KIF26B: variants seen among roughly 807,000 people sequenced by gnomAD.
The protein encoded by KIF26B is kinesin family member 26B, also known as kinesin-like protein KIF26B.
In KIF26B, 63 loss-of-function variants were observed where a neutral mutation model predicts 151.2. The observed-to-expected ratio is 0.42, with a 90% CI of 0.34 to 0.51. The LOEUF is 0.51. KIF26B is among the 20% of genes least tolerant of loss of function. KIF26B has a pLI of 0.07. For missense variants in KIF26B, 2,813 were observed against 2,913.6 expected (o/e 0.97, Z 0.79); for synonymous variants, 1,357 against 1,262.1 (o/e 1.08, Z -1.59).
intron 2 of KIF26B, among the ~76,000 whole-genome samples, chr1:245,291,526 G>A (rs1340462405): frequency 1.3e-5 from 2 of 152,106 alleles, no homozygotes; most frequent in East Asian, 3.9e-4. Context: ...CAGCGCCCAG[G>A]TCCTCCTATT....
At chr1:245,581,196 T>G (rs925099759) in intron 5 of KIF26B, among the ~76,000 whole-genome samples, 1 of 152,178 alleles carries the variant, frequency 6.6e-6, no homozygotes, top group Non-Finnish European at 1.5e-5. Context: ...TGAGTAACAT[T>G]TAAACAATTG....
chr1:245,487,036 A>G lies in KIF26B; in HGVS notation c.1167-53731A>G, dbSNP rs567811386. Among the ~76,000 whole-genome samples, 9 of 152,256 alleles carry G rather than the reference A, an allele frequency of 5.9e-5. No homozygotes were observed. In the South Asian group the frequency reaches 1.5e-3, roughly 25 times the overall value. ...GGTTTGTCACAAGGGGTGGCTCCCA[A>G]TAGTAAACCTTCATGGCTCCCTGTA... On this transcript the variant is annotated intron_variant, in intron 4 of 14. Transcript: ENST00000407071.
intron 10 of KIF26B, among the ~76,000 whole-genome samples, chr1:245,661,667 C>A (rs1404001543): frequency 6.7e-6 from 1 of 148,660 alleles, no homozygotes; most frequent in African/African-American, 2.5e-5. Flanking sequence ...TAGACACACA[C>A]ACTCAATATA....
chr1:245,513,803 G>T (rs1660888516), intron 4 of KIF26B, among the ~76,000 whole-genome samples: 1 of 152,188 alleles, frequency 6.6e-6, no homozygotes, highest in African/African-American at 2.4e-5. Context: ...TAGACAGGTT[G>T]CCAGCTCTCA....
chr1:245,386,370 A>G (rs1000652169), intron 3 of KIF26B, among the ~76,000 whole-genome samples: 4 of 149,916 alleles, frequency 2.7e-5, no homozygotes, highest in Non-Finnish European at 5.9e-5. Context: ...CTTCCTATCT[A>G]ACTGAGGCTT....
intron 4 of KIF26B, among the ~76,000 whole-genome samples, chr1:245,465,738 G>T (rs1450975072): frequency 3.3e-5 from 5 of 152,190 alleles, no homozygotes; most frequent in African/African-American, 1.2e-4. Flanking sequence ...GCCGTGGTGC[G>T]CAGTGCTCCT....
chr1:245,442,066 G>A (rs1466167824), intron 4 of KIF26B, among the ~76,000 whole-genome samples: 2 of 152,190 alleles, frequency 1.3e-5, no homozygotes, highest in Non-Finnish European at 2.9e-5. Flanking sequence ...TAGGTGCCAG[G>A]CACTGGCTTA....
Position 245,685,969 on chromosome 1 carries a change from C to T in KIF26B, c.2986C>T (p.Leu996Phe), listed in dbSNP as rs371480595. 3 of 1,601,496 alleles carry T rather than the reference C, an allele frequency of 1.9e-6. No individual in the cohort carries two copies. Among genetic ancestry groups the T allele is most frequent in the Admixed American group, 3.5e-5 (2 of 57,964 alleles). Reference sequence around the variant, plus strand: ...GCTGACCAACAGAGAAGGCCCTGAACTCCCAGCCTCCAAGATGCAGAGGAG... The same window carrying T: ...GCTGACCAACAGAGAAGGCCCTGAATTCCCAGCCTCCAAGATGCAGAGGAG... ...GQLTNREGPE[L>F]PASKMQRSHS... Residue 996 changes from leucine (L) to phenylalanine (F), a missense_variant, in exon 12 of 15, where the codon CTC (leucine) becomes TTC (phenylalanine). This residue lies in a region of KIF26B where 2,060 missense variants were observed against 2,088.6 expected (regional missense o/e 0.99). Coordinates refer to ENST00000407071, the MANE Select transcript of KIF26B (RefSeq NM_018012.4).
At chr1:245,412,910 C>T (rs890719338) in intron 3 of KIF26B, among the ~76,000 whole-genome samples, 22 of 152,180 alleles carry the variant, frequency 1.4e-4, no homozygotes, top group African/African-American at 4.3e-4. Context: ...TCGACACCTG[C>T]GCAGACACAC....
chr1:245,647,561 C>T (rs187367961), intron 10 of KIF26B, among the ~76,000 whole-genome samples: 127 of 152,108 alleles, frequency 8.3e-4, no homozygotes, highest in African/African-American at 3.0e-3. Flanking sequence ...GAAAAAACAC[C>T]GACCTTACAG....
intron 5 of KIF26B, among the ~76,000 whole-genome samples, chr1:245,568,225 A>G (rs1022782121): frequency 4.7e-5 from 7 of 147,834 alleles, no homozygotes; most frequent in Middle Eastern, 3.5e-3. Flanking sequence ...GAAGCTCTCA[A>G]AGGGCCTGAG....
chr1:245,528,412 C>G (rs1661288854), intron 4 of KIF26B, among the ~76,000 whole-genome samples: 1 of 152,188 alleles, frequency 6.6e-6, no homozygotes, highest in South Asian at 2.1e-4. Context: ...TGTGCTTTCT[C>G]AAGTAGGGAC....
intron 2 of KIF26B, among the ~76,000 whole-genome samples, chr1:245,231,929 G>A (rs960208635): frequency 3.3e-5 from 5 of 152,192 alleles, no homozygotes; most frequent in East Asian, 1.9e-4. Context: ...TTAATCCTAC[G>A]AGAACTCAGG....
intron 2 of KIF26B, among the ~76,000 whole-genome samples, chr1:245,256,624 G>A (rs946434113): frequency 5.9e-4 from 90 of 152,234 alleles, no homozygotes; most frequent in African/African-American, 1.9e-3. Flanking sequence ...TCTCCTCTCC[G>A]CGAAGGGCAT....
intron 2 of KIF26B, among the ~76,000 whole-genome samples, chr1:245,229,231 CAAAGTGCTGGGATTACAAGCGTG>C (rs779366029): frequency 3.5e-4 from 54 of 152,228 alleles, no homozygotes; most frequent in Non-Finnish European, 6.6e-4. Context: ...TTCGGTCTCC[CAAAGTGCTGGGATTACAAGCGTG>C]AGCCACCGCC....
intron 4 of KIF26B, among the ~76,000 whole-genome samples, chr1:245,533,586 C>A (rs1317299483): frequency 6.6e-6 from 1 of 152,010 alleles, no homozygotes; most frequent in Non-Finnish European, 1.5e-5. Context: ...CCTGTCTGTG[C>A]CCCAAGGAAA....
intron 2 of KIF26B, among the ~76,000 whole-genome samples, chr1:245,242,873 A>G (rs541694609): frequency 6.6e-6 from 1 of 152,198 alleles, no homozygotes; most frequent in Admixed American, 6.5e-5. Context: ...GCTGGTCTCG[A>G]ACTCCTGACA....
rs369608495 is a variant in KIF26B at position 245,181,514 on chromosome 1, T to TA, written c.465+24843dup. 9.4e-3 allele frequency among the ~76,000 whole-genome samples: 925 copies of TA among 97,922 alleles called. 12 individuals are homozygous for TA. Among genetic ancestry groups the TA allele is most frequent in the African/African-American group, 0.023 (697 of 30,500 alleles). The allele number at this position is 97,922 out of a possible 152,430, so 64.2% of individuals were successfully genotyped here. A position where few individuals can be genotyped will look rare whatever the true frequency, so the allele number is the denominator to read the frequency against. ...TCAGGAGAGAAAAACGTAGTAAAGT[T>TA]AAAAAAAAAAAAGCCAAAAAAAAAA... On this transcript the variant is annotated intron_variant, in intron 2 of 14. Transcript: ENST00000407071.
chr1:245,198,384 AAAAT>A (rs1669228653), intron 2 of KIF26B, among the ~76,000 whole-genome samples: 1 of 152,254 alleles, frequency 6.6e-6, no homozygotes, highest in Admixed American at 6.5e-5. Context: ...TATAGGGATT[AAAAT>A]AAATAAAGAT....
Sources: allele counts gnomAD v4.1 joint callset (sites outside exome capture counted in the v4.1 genomes callset), GRCh38; gene constraint gnomAD v4.1.1; regional missense constraint gnomAD v4.1.1; transcripts MANE v1.5; gene names NCBI Gene and HGNC (gene_info 2026-07-23, HGNC 2026-07-21).